LMO3: variants seen among roughly 807,000 people sequenced by gnomAD.
LMO3 encodes LIM domain only protein 3.
Under a neutral mutation model 15.8 loss-of-function variants are expected in LMO3, and 2 were observed. That is an observed-to-expected ratio of 0.13 (90% CI 0.05 to 0.40). The LOEUF is 0.40. LMO3 is among the 10% of genes least tolerant of loss of function. LMO3 has a pLI of 0.99. For synonymous variants in LMO3, 62 were observed against 63.8 expected, an observed-to-expected ratio of 0.97 and a Z score of 0.13; for missense variants, 86 against 182.2, an observed-to-expected ratio of 0.47 and a Z score of 3.04.
In LMO3 at chr12:16,591,582, G is replaced by C. The variant is rs1045789165; in HGVS notation, c.206+9073C>G. Among the ~76,000 whole-genome samples the C allele has an allele frequency of 1.3e-5, 2 of 151,954 alleles. No homozygotes were observed. Among genetic ancestry groups the C allele is most frequent in the African/African-American group, 4.8e-5 (2 of 41,396 alleles). On this transcript the variant is annotated intron_variant, in intron 2 of 3. Coordinates refer to ENST00000537304, the MANE Select transcript of LMO3 (RefSeq NM_018640.5). This position sits in a 1 kb window ranked among gnomAD's most constrained non-coding sequence, Gnocchi z 4.1. ...CCTTTTACAGTACCTAGAATATACA[G>C]AATGATCACATTTATTGAATGAAAA...
At position 16,585,696 on chromosome 12, in the gene LMO3, G is replaced by A. The variant is rs1456199431; in HGVS notation, c.206+14959C>T. On this transcript the variant is annotated intron_variant, in intron 2 of 3. Transcript: ENST00000537304. This position sits in a 1 kb window ranked among gnomAD's most constrained non-coding sequence, Gnocchi z 4.7. ...ATGATGTCAAAACTAATCCTCAGGT[G>A]ATGTAAGCAGCTCCAAATATAATAA... 6.6e-6 allele frequency among the ~76,000 whole-genome samples: 1 copy of A among 152,134 alleles called. No individual in the cohort carries two copies. Among genetic ancestry groups the A allele is most frequent in the Non-Finnish European group, 1.5e-5 (1 of 68,026 alleles).
intron 2 of LMO3, among the ~76,000 whole-genome samples, chr12:16,578,122 G>T (rs77208879): frequency 6.6e-6 from 1 of 152,044 alleles, no homozygotes; most frequent in Non-Finnish European, 1.5e-5. Flanking sequence ...CAGAAGTCTT[G>T]CCAGGCAACA....
At chr12:16,590,395 A>G (rs1943453769) in intron 2 of LMO3, among the ~76,000 whole-genome samples, 1 of 152,034 alleles carries the variant, frequency 6.6e-6, no homozygotes, top group African/African-American at 2.4e-5. Context: ...TAAGTGCTGG[A>G]TTTAGAAACA....
intron 1 of LMO3, chr12:16,602,168 G>A (rs138287166): frequency 6.6e-6 from 1 of 152,286 alleles, no homozygotes; most frequent in African/African-American, 2.4e-5. Context: ...GCATGTAGAA[G>A]GATACAAAAC....
chr12:16,559,941 C>T lies in LMO3; in HGVS notation c.332+472G>A, dbSNP rs1285135952. ...TGCCACTGCGCTCTAGGCTGGGTGA[C>T]AGAACCAGACCTTGTATTTAAAAAA... On this transcript the variant is annotated intron_variant, in intron 3 of 3. Transcript: ENST00000537304. The surrounding 1 kb of genome is among the most constrained non-coding windows in gnomAD (Gnocchi z 4.1). Among the ~76,000 whole-genome samples the T allele has an allele frequency of 6.6e-6, 1 of 151,918 alleles. No homozygotes were observed. Among genetic ancestry groups the T allele is most frequent in the Non-Finnish European group, 1.5e-5 (1 of 67,986 alleles).
intron 2 of LMO3, chr12:16,600,054 C>T (rs547637644): frequency 2.1e-4 from 32 of 152,188 alleles, no homozygotes; most frequent in African/African-American, 7.5e-4. Flanking sequence ...ACAATAAATG[C>T]ACTAATAGAT....
At chr12:16,605,981 C>A (rs1943982808) in intron 1 of LMO3, 85 bp downstream of exon 1, 1 of 662,606 alleles carries the variant, frequency 1.5e-6, no homozygotes, top group Non-Finnish European at 2.6e-6. Context: ...GAAAAAAATA[C>A]CCACATCCGC....
rs1479757396 is a variant in LMO3 at position 16,548,392 on chromosome 12, T to G, written c.*2830A>C. The G allele has an allele frequency of 6.6e-6, 1 of 152,122 alleles. No homozygotes were observed. The allele number at this position is 152,122 out of a possible 1,614,324, so 9.4% of individuals were successfully genotyped here. On this transcript the variant is annotated 3_prime_UTR_variant, in exon 4 of 4. Transcript: ENST00000537304. This position sits in a 1 kb window ranked among gnomAD's most constrained non-coding sequence, Gnocchi z 4.2. Reference sequence around the variant, plus strand: ...TCAAATAGTGTAACACCCCTTTTATTAAAAACATAAATCCAAATGTAAAAA... The same window carrying G: ...TCAAATAGTGTAACACCCCTTTTATGAAAAACATAAATCCAAATGTAAAAA...
chr12:16,588,680 A>AT (rs762548631), intron 2 of LMO3, among the ~76,000 whole-genome samples: 5 of 152,046 alleles, frequency 3.3e-5, no homozygotes, highest in Non-Finnish European at 5.9e-5. Context: ...GTGTTGAGAT[A>AT]TTTTTTCCAT....
chr12:16,554,336 A>ATGAT (rs1942105315), intron 3 of LMO3, among the ~76,000 whole-genome samples: 1 of 152,228 alleles, frequency 6.6e-6, no homozygotes, highest in Admixed American at 6.5e-5. Flanking sequence ...ACTGACAATT[A>ATGAT]TGATTAATTT....
chr12:16,599,572 T>A lies in LMO3; in HGVS notation c.206+1083A>T, dbSNP rs1274051788. On this transcript the variant is annotated intron_variant, in intron 2 of 3. Transcript: ENST00000537304. The surrounding 1 kb of genome is among the most constrained non-coding windows in gnomAD (Gnocchi z 4.1). Reference sequence around the variant, plus strand: ...ATAAATTTTGTCATAAGGGAAAAAATTCCAAATAAATCGCTTAATGTCAGA... The same window carrying A: ...ATAAATTTTGTCATAAGGGAAAAAAATCCAAATAAATCGCTTAATGTCAGA... 3 of 152,028 alleles carry A rather than the reference T, an allele frequency of 2.0e-5. No individual in the cohort carries two copies. Among genetic ancestry groups the A allele is most frequent in the African/African-American group, 7.3e-5 (3 of 41,374 alleles). The allele number at this position is 152,028 out of a possible 1,614,324, so 9.4% of individuals were successfully genotyped here. A position where few individuals can be genotyped will look rare whatever the true frequency, so the allele number is the denominator to read the frequency against.
At chr12:16,564,374 G>A (rs1399021101) in intron 2 of LMO3, among the ~76,000 whole-genome samples, 1 of 152,216 alleles carries the variant, frequency 6.6e-6, no homozygotes, top group Non-Finnish European at 1.5e-5. Flanking sequence ...TTTACTAAAT[G>A]TTCAACAGCT....
At chr12:16,594,944 A>G (rs2137656327) in intron 2 of LMO3, among the ~76,000 whole-genome samples, 3 of 151,698 alleles carry the variant, frequency 2.0e-5, no homozygotes, top group East Asian at 3.9e-4. Flanking sequence ...GTCTAAGAGC[A>G]ACCAAAAATA....
At chr12:16,592,982 C>T (rs1448788265) in intron 2 of LMO3, among the ~76,000 whole-genome samples, 1 of 151,268 alleles carries the variant, frequency 6.6e-6, no homozygotes, top group Non-Finnish European at 1.5e-5. Flanking sequence ...TTAGCTTTTC[C>T]CTCTTGTTGC....
Position 16,582,193 on chromosome 12 carries a change from T to C in LMO3, c.206+18462A>G, listed in dbSNP as rs1207841801. 1.3e-5 allele frequency among the ~76,000 whole-genome samples: 2 copies of C among 152,244 alleles called. No homozygotes were observed. Among genetic ancestry groups the C allele is most frequent in the African/African-American group, 4.8e-5 (2 of 41,476 alleles). On this transcript the variant is annotated intron_variant, in intron 2 of 3. Coordinates refer to ENST00000537304, the MANE Select transcript of LMO3 (RefSeq NM_018640.5). The surrounding 1 kb of genome is among the most constrained non-coding windows in gnomAD (Gnocchi z 4.1). ...TTCTCTTTATTTGGAAGTTTTGAAA[T>C]GGCTGAATTTTATCAATTGCCTTTT...
In LMO3 at chr12:16,593,919, C is replaced by G. The variant is rs897530393; in HGVS notation, c.206+6736G>C. On this transcript the variant is annotated intron_variant, in intron 2 of 3. Coordinates refer to ENST00000537304, the MANE Select transcript of LMO3 (RefSeq NM_018640.5). This position sits in a 1 kb window ranked among gnomAD's most constrained non-coding sequence, Gnocchi z 4.2. ...GTATATTATCATAGTAAAAACAGAACTAGAACAGGCAGTATCAAACTCCCT... is the reference window on the plus strand; with the variant it reads ...GTATATTATCATAGTAAAAACAGAAGTAGAACAGGCAGTATCAAACTCCCT... Among the ~76,000 whole-genome samples, 4 of 151,644 alleles carry G rather than the reference C, an allele frequency of 2.6e-5. No homozygotes were observed. The highest frequency in any genetic ancestry group is 5.9e-5 in the Non-Finnish European group (4 of 67,702).
chr12:16,555,183 A>AATTC lies in LMO3; in HGVS notation c.333-3857_333-3856insGAAT, dbSNP rs1211718699. 6.6e-6 allele frequency among the ~76,000 whole-genome samples: 1 copy of AATTC among 152,204 alleles called. No individual in the cohort carries two copies. The highest frequency in any genetic ancestry group is 2.4e-5 in the African/African-American group (1 of 41,456). On this transcript the variant is annotated intron_variant, in intron 3 of 3. Transcript: ENST00000537304. The surrounding 1 kb of genome is among the most constrained non-coding windows in gnomAD (Gnocchi z 5.5). ...AATTTGCTATCATTATTATTTGGTA[A>AATTC]TGATAATCTTTTCACCTTTACTTAA...
upstream of LMO3, among the ~76,000 whole-genome samples, chr12:16,608,883 T>C (rs1944078092): frequency 6.6e-6 from 1 of 152,218 alleles, no homozygotes; most frequent in Non-Finnish European, 1.5e-5. The surrounding 1 kb of genome is among the most constrained non-coding windows in gnomAD (Gnocchi z 4.1). Context: ...CATAAAATGC[T>C]CTTCTTTTCA....
chr12:16,574,522 C>G (rs1009078625), intron 2 of LMO3, among the ~76,000 whole-genome samples: 1 of 152,142 alleles, frequency 6.6e-6, no homozygotes, highest in African/African-American at 2.4e-5. Context: ...GTCTTTCTGA[C>G]AGGTTCAAAG....
Sources: allele counts gnomAD v4.1 joint callset (sites outside exome capture counted in the v4.1 genomes callset), GRCh38; gene constraint gnomAD v4.1.1; non-coding constraint Gnocchi (gnomAD v3.1); transcripts MANE v1.5; gene names NCBI Gene and HGNC (gene_info 2026-07-23, HGNC 2026-07-21).